The following CEACAM1 variants were observed in gnomAD, a reference collection of about 807,000 sequenced individuals.
The protein encoded by CEACAM1 is CEA cell adhesion molecule 1.
In CEACAM1, 31 loss-of-function variants were observed where a neutral mutation model predicts 49.1. That is an observed-to-expected ratio of 0.63 (90% CI 0.47 to 0.85). The LOEUF (loss-of-function observed/expected upper bound fraction) is 0.85, where lower values mean the gene tolerates loss of function less well. Among genes scored for constraint, CEACAM1 ranks in the 40% least tolerant of loss-of-function variants. CEACAM1 has a pLI of 0.00. For synonymous variants in CEACAM1, 244 were observed against 247.8 expected, an observed-to-expected ratio of 0.98 and a Z score of 0.14; for missense variants, 570 against 645.3, an observed-to-expected ratio of 0.88 and a Z score of 1.26.
chr19:42,510,660 A>G (rs1038391286), intron 8 of CEACAM1, among the ~76,000 whole-genome samples: 34 of 152,262 alleles, frequency 2.2e-4, no homozygotes, highest in African/African-American at 8.2e-4. Context: ...CAAGGGTCAC[A>G]GAGCTACTAA....
Position 42,508,678 on chromosome 19 carries a change from CTT to C in CEACAM1, c.*429_*430del, listed in dbSNP as rs1053038366. On this transcript the variant is annotated 3_prime_UTR_variant, in exon 9 of 9. Coordinates refer to ENST00000161559, the MANE Select transcript of CEACAM1 (RefSeq NM_001712.5). ...ATTACTGCCTTTACTTTCTCTCTCT[CTT>C]GTTTCCTGGCACATGTACTTAATGG... 2 of 162,552 alleles carry C rather than the reference CTT, an allele frequency of 1.2e-5. No individual in the cohort carries two copies. Among genetic ancestry groups the C allele is most frequent in the African/African-American group, 4.8e-5 (2 of 41,524 alleles). The allele number at this position is 162,552 out of a possible 1,614,324, so 10.1% of individuals were successfully genotyped here. A position where few individuals can be genotyped will look rare whatever the true frequency, so the allele number is the denominator to read the frequency against.
intron 4 of CEACAM1, among the ~76,000 whole-genome samples, chr19:42,519,983 A>G (rs1323620593): frequency 1.3e-5 from 2 of 152,184 alleles, no homozygotes; most frequent in Admixed American, 1.3e-4. Context: ...GGGAATGATG[A>G]TGCCCCATCC....
intron 6 of CEACAM1, 81 bp from the exon 7 acceptor site, chr19:42,511,709 A>G: frequency 2.9e-6 from 4 of 1,370,932 alleles, no homozygotes; most frequent in Non-Finnish European, 4.2e-6. Context: ...CACTGTGAGC[A>G]GGTAATTCCT....
intron 1 of CEACAM1, chr19:42,527,915 A>T (rs2041936780): frequency 4.6e-6 from 1 of 216,438 alleles, no homozygotes. Flanking sequence ...ACTCCTGTGG[A>T]TGAGTTAGTG....
At chr19:42,520,459 G>C (rs958180997) in intron 4 of CEACAM1, 1 of 152,298 alleles carries the variant, frequency 6.6e-6, no homozygotes, top group Non-Finnish European at 1.5e-5. Flanking sequence ...TGCCTCCCAG[G>C]TTCAAGTGAT....
chr19:42,512,328 A>T (rs764697318), intron 6 of CEACAM1, 22 bp downstream of exon 6: 5 of 1,613,834 alleles, frequency 3.1e-6, no homozygotes, highest in Non-Finnish European at 4.2e-6. Flanking sequence ...AGGAAACAGA[A>T]CAAGAGGAAA....
At chr19:42,521,815 AG>A in intron 3 of CEACAM1, 108 bp downstream of exon 3, 1 of 1,585,092 alleles carries the variant, frequency 6.3e-7, no homozygotes, top group Non-Finnish European at 8.6e-7. Flanking sequence ...CTGGGTGTCC[AG>A]GGTTAAGGGT....
Position 42,519,174 on chromosome 19 carries a change from A to T in CEACAM1, c.1020T>A (p.Asp340Glu). The part of the protein sequence containing the change: ...IKASKTTVTG[D>E]KDSVNLTCST... ...AGCAGGTCAGGTTCACAGAGTCCTT[A>T]TCTCCTGTGACTGTGGTCTTGCTGG... is the stretch of plus-strand genomic sequence containing the variant. Residue 340 changes from aspartate (D) to glutamate (E), a missense_variant, in exon 5 of 9, where the codon GAT (aspartate) becomes GAA (glutamate). Asp to Glu is a conservative substitution (Grantham distance 45). Coordinates refer to ENST00000161559, the MANE Select transcript of CEACAM1 (RefSeq NM_001712.5). 6.2e-7 allele frequency: 1 copy of T among 1,614,058 alleles called. No individual in the cohort carries two copies. Among genetic ancestry groups the T allele is most frequent in the South Asian group, 1.1e-5 (1 of 91,076 alleles).
chr19:42,517,189 T>C (rs2041620602), intron 5 of CEACAM1, among the ~76,000 whole-genome samples: 1 of 152,134 alleles, frequency 6.6e-6, no homozygotes, highest in South Asian at 2.1e-4. Flanking sequence ...TCAAAATGCA[T>C]AAAAGACCTA....
At chr19:42,523,396 T>C (rs2147801492) in intron 2 of CEACAM1, among the ~76,000 whole-genome samples, 1 of 152,316 alleles carries the variant, frequency 6.6e-6, no homozygotes, top group South Asian at 2.1e-4. Flanking sequence ...TGTTTGATGA[T>C]GACTGACTTG....
Position 42,527,089 on chromosome 19 carries a change from TTA to T in CEACAM1, c.374_375del (p.Ile125LysfsTer7). On this transcript the variant is annotated frameshift_variant, in exon 2 of 9. Coordinates refer to ENST00000161559, the MANE Select transcript of CEACAM1 (RefSeq NM_001712.5). LOFTEE classifies it high-confidence loss of function. ...NDTGFYTLQV[I>X]KSDLVNEEAT... ...GCTTCTTCATTCACAAGATCTGACTTTATGACTTGTAGGGTGTAGAATCCTGT... is the reference window on the plus strand; with the variant it reads ...GCTTCTTCATTCACAAGATCTGACTTTGACTTGTAGGGTGTAGAATCCTGT... The T allele has an allele frequency of 1.2e-6, 2 of 1,613,182 alleles. No individual in the cohort carries two copies. The highest frequency in any genetic ancestry group is 1.7e-6 in the Non-Finnish European group (2 of 1,179,490).
At chr19:42,511,285 GAGGC>G in intron 7 of CEACAM1, 1 of 572,690 alleles carries the variant, frequency 1.7e-6, no homozygotes, top group South Asian at 2.2e-5. Flanking sequence ...ATCCGTAATA[GAGGC>G]AGGAGGCGGA....
At chr19:42,518,102 G>A (rs1160484333) in intron 5 of CEACAM1, among the ~76,000 whole-genome samples, 1 of 152,174 alleles carries the variant, frequency 6.6e-6, no homozygotes, top group African/African-American at 2.4e-5. Flanking sequence ...AATATTGCAT[G>A]CTTCCATCTG....
chr19:42,527,305 G>C lies in CEACAM1; in HGVS notation c.160C>G (p.Leu54Val), dbSNP rs1235949013. 6.2e-7 allele frequency: 1 copy of C among 1,614,002 alleles called. No individual in the cohort carries two copies. Among genetic ancestry groups the C allele is most frequent in the Non-Finnish European group, 8.5e-7 (1 of 1,180,016 alleles). Residue 54 changes from leucine (L) to valine (V), a missense_variant, in exon 2 of 9, where the codon CTT (leucine) becomes GTT (valine). Transcript: ENST00000161559. The part of the protein sequence containing the change: ...NVAEGKEVLL[L>V]VHNLPQQLFG... Reference sequence around the variant, plus strand: ...AGTTGCTGGGGCAGATTGTGGACAAGGAGAAGAACCTCCTTCCCCTCTGCA... The same window carrying C: ...AGTTGCTGGGGCAGATTGTGGACAACGAGAAGAACCTCCTTCCCCTCTGCA...
chr19:42,521,159 G>T, intron 4 of CEACAM1, 108 bp downstream of exon 4: 1 of 1,215,900 alleles, frequency 8.2e-7, no homozygotes, highest in Non-Finnish European at 1.2e-6. Flanking sequence ...GGACTTGTTT[G>T]TGCCTGTTGG....
chr19:42,522,492 C>T (rs952276048), intron 2 of CEACAM1, among the ~76,000 whole-genome samples: 2 of 151,840 alleles, frequency 1.3e-5, no homozygotes, highest in Non-Finnish European at 1.5e-5. Context: ...TCTGGCAATC[C>T]GCCCGATTCG....
At chr19:42,519,798 T>C (rs889054940) in intron 4 of CEACAM1, among the ~76,000 whole-genome samples, 1 of 152,118 alleles carries the variant, frequency 6.6e-6, no homozygotes, top group African/African-American at 2.4e-5. Flanking sequence ...CTTGATCTCC[T>C]GACCTCATGA....
In CEACAM1 at chr19:42,513,915, T is replaced by TATATATATATAAATAA. The variant is rs1432939598; in HGVS notation, c.1247-1437_1247-1436insTTATTTATATATATAT. Among the ~76,000 whole-genome samples, 594 of 129,704 alleles carry TATATATATATAAATAA rather than the reference T, an allele frequency of 4.6e-3. 15 individuals are homozygous for TATATATATATAAATAA. Among genetic ancestry groups the TATATATATATAAATAA allele is most frequent in the African/African-American group, 0.021 (561 of 27,110 alleles). The allele number at this position is 129,704 out of a possible 152,430, so 85.1% of individuals were successfully genotyped here. A position where few individuals can be genotyped will look rare whatever the true frequency, so the allele number is the denominator to read the frequency against. On this transcript the variant is annotated intron_variant, in intron 5 of 8. Transcript: ENST00000161559. Reference sequence around the variant, plus strand: ...CTCCATATATATATATATATATATATATAATATATAAATAATACCTTTTGC... The same window carrying TATATATATATAAATAA: ...CTCCATATATATATATATATATATATATATATATATAAATAAATAATATATAAATAATACCTTTTGC...
At position 42,508,958 on chromosome 19, in the gene CEACAM1, A is replaced by G; in HGVS notation, c.*151T>C. ...TGACACTGAGAGAGGGGCAGTGACC[A>G]GGCAGCCTGGAGATGCCTATTAGGA... On this transcript the variant is annotated 3_prime_UTR_variant, in exon 9 of 9. Transcript: ENST00000161559. 2 of 784,328 alleles carry G rather than the reference A, an allele frequency of 2.5e-6. No individual in the cohort carries two copies. Among genetic ancestry groups the G allele is most frequent in the Non-Finnish European group, 2.0e-6 (1 of 492,724 alleles). 48.6% of individuals were successfully genotyped at this position (784,328 alleles called of 1,614,324 possible). A position where few individuals can be genotyped will look rare whatever the true frequency, so the allele number is the denominator to read the frequency against.
Sources: gnomAD v4.1 joint callset for allele counts (sites outside exome capture counted in the v4.1 genomes callset) on GRCh38, gnomAD v4.1.1 for gene constraint, MANE v1.5 for transcripts, NCBI Gene and HGNC (gene_info 2026-07-23, HGNC 2026-07-21) for gene names.